EPHA10: variants seen among roughly 807,000 people sequenced by gnomAD.
The protein encoded by EPHA10 is ephrin type-A receptor 10.
EPHA10 carries 120 observed loss-of-function variants against 109.7 expected under a neutral mutation model. The ratio of observed to expected loss-of-function variants is 1.09; its 90% CI spans 0.94 to 1.27. The LOEUF (loss-of-function observed/expected upper bound fraction) is 1.27, where lower values mean the gene tolerates loss of function less well. EPHA10 is among the 50% of genes most tolerant of loss of function. EPHA10 has a pLI of 0.00. For synonymous variants in EPHA10, 640 were observed against 618.9 expected (o/e 1.03, Z -0.51); for missense variants, 1,396 against 1,411.1 (o/e 0.99, Z 0.17).
At chr1:37,732,860 GTTC>G (rs1646007830) in intron 6 of EPHA10, among the ~76,000 whole-genome samples, 16 of 25,790 alleles carry the variant, frequency 6.2e-4, no homozygotes, top group African/African-American at 2.4e-3. Flanking sequence ...TTTTATACTT[GTTC>G]TTTTTTTTTT....
intron 5 of EPHA10, among the ~76,000 whole-genome samples, chr1:37,747,261 A>T (rs1423139123): frequency 6.6e-6 from 1 of 152,206 alleles, no homozygotes; most frequent in African/African-American, 2.4e-5. Flanking sequence ...CTAGAAAAAG[A>T]CTTCAGAGGT....
chr1:37,752,541 G>T (rs1007398998), intron 5 of EPHA10, among the ~76,000 whole-genome samples: 1 of 152,138 alleles, frequency 6.6e-6, no homozygotes, highest in Non-Finnish European at 1.5e-5. Flanking sequence ...CTGCAGAGCC[G>T]TGAGCGGGAC....
At chr1:37,750,663 T>G (rs1646308531) in intron 5 of EPHA10, among the ~76,000 whole-genome samples, 1 of 151,670 alleles carries the variant, frequency 6.6e-6, no homozygotes, top group Admixed American at 6.6e-5. Flanking sequence ...CGCTGCAGCC[T>G]CAAACTCCTG....
chr1:37,762,811 C>A lies in EPHA10; in HGVS notation c.145G>T (p.Gly49Cys), dbSNP rs1569775551. The A allele has an allele frequency of 6.4e-7, 1 of 1,553,924 alleles. No individual in the cohort carries two copies. Among genetic ancestry groups the A allele is most frequent in the African/African-American group, 1.4e-5 (1 of 73,328 alleles). Residue 49 changes from glycine to cysteine, a missense_variant, in exon 2 of 17, where the codon GGC (glycine) becomes TGC (cysteine). By Grantham distance (159) the Gly-to-Cys change is radical. Coordinates refer to ENST00000373048, the MANE Select transcript of EPHA10 (RefSeq NM_001099439.2). ...CCATTACTTGGCAGTGCAGTCCAGC[C>A]CAGCTCGGCCTGGGAGGCTTTGGAA... ...LDSKASQAEL[G>C]WTALPSNGWE...
chr1:37,727,182 G>A lies in EPHA10; in HGVS notation c.1692C>T (p.Pro564=), dbSNP rs544755981. The change falls in exon 8 of 17, where the codon CCC becomes CCT. Residue 564 remains proline (P), a synonymous_variant. Coordinates refer to ENST00000373048, the MANE Select transcript of EPHA10 (RefSeq NM_001099439.2). ...EAASGSRDQS[P]AIVVTVVTIS... is the part of the protein sequence containing the mutation. ...TGGTCACTACGGTGACGACAATGGC[G>A]GGGCTCTGGTCCCTGGACCCTGAGG... 1.9e-5 allele frequency: 31 copies of A among 1,611,428 alleles called. No individual in the cohort carries two copies. Among genetic ancestry groups the A allele is most frequent in the East Asian group, 1.8e-4 (8 of 44,694 alleles).
At position 37,753,146 on chromosome 1, in the gene EPHA10, C is replaced by A. The variant is rs1300296374; in HGVS notation, c.1087G>T (p.Ala363Ser). 4.3e-6 allele frequency: 6 copies of A among 1,406,866 alleles called. No homozygotes were observed. Among genetic ancestry groups the A allele is most frequent in the Non-Finnish European group, 5.6e-6 (6 of 1,080,466 alleles). 87.1% of individuals were successfully genotyped at this position (1,406,866 alleles called of 1,614,324 possible). A position where few individuals can be genotyped will look rare whatever the true frequency, so the allele number is the denominator to read the frequency against. ...ACGTCCGAGCGGCCTCCCGAGTCGGCCGGCGGCAGCCAGCGCAGTCGCAGC... is the reference window on the plus strand; with the variant it reads ...ACGTCCGAGCGGCCTCCCGAGTCGGACGGCGGCAGCCAGCGCAGTCGCAGC... ...LVLRLRWLPP[A>S]DSGGRSDVTY... is the part of the protein sequence containing the mutation. The change falls in exon 5 of 17, where the codon GCC becomes TCC. Residue 363 changes from alanine (A) to serine (S), a missense_variant. Ala to Ser is a moderately conservative substitution (Grantham distance 99). Transcript: ENST00000373048.
At chr1:37,725,506 C>CAAAAAAAAAA (rs536628850) in intron 8 of EPHA10, among the ~76,000 whole-genome samples, 2 of 56,430 alleles carry the variant, frequency 3.5e-5, no homozygotes, top group African/African-American at 7.2e-5. Context: ...GGCTCCATCT[C>CAAAAAAAAAA]AAAAAAAAAA....
chr1:37,735,699 C>T (rs631432), intron 5 of EPHA10, among the ~76,000 whole-genome samples: 81,225 of 151,846 alleles, frequency 0.53, 21,766 homozygotes, highest in South Asian at 0.63. Context: ...TCATGGTGGT[C>T]GGCTCTAATC....
Position 37,754,379 on chromosome 1 carries a change from C to A in EPHA10, c.851-9G>T. 7.7e-7 allele frequency: 1 copy of A among 1,295,912 alleles called. No individual in the cohort carries two copies. Among genetic ancestry groups the A allele is most frequent in the Non-Finnish European group, 9.8e-7 (1 of 1,016,672 alleles). 80.3% of individuals were successfully genotyped at this position (1,295,912 alleles called of 1,614,324 possible). A position where few individuals can be genotyped will look rare whatever the true frequency, so the allele number is the denominator to read the frequency against. On this transcript the variant is annotated splice_polypyrimidine_tract_variant and intron_variant, in intron 3 of 16. Transcript: ENST00000373048. This position sits in a 1 kb window ranked among gnomAD's most constrained non-coding sequence, Gnocchi z 4.5. ...AAACCCTGGGGGACAGGCTGCAGGG[C>A]ATGGCTGGTGAGAAGAGGGGGCTCC...
intron 6 of EPHA10, among the ~76,000 whole-genome samples, 199 bp downstream of exon 6, chr1:37,735,058 G>A (rs1219281944): frequency 6.6e-6 from 1 of 152,178 alleles, no homozygotes; most frequent in Non-Finnish European, 1.5e-5. Flanking sequence ...TGGTGTTGGA[G>A]ATAGACCTGA....
At chr1:37,728,096 G>A (rs1162454818) in intron 7 of EPHA10, among the ~76,000 whole-genome samples, 1 of 152,206 alleles carries the variant, frequency 6.6e-6, no homozygotes, top group African/African-American at 2.4e-5. Context: ...ACAAAAAAAG[G>A]TGCCATCTGA....
chr1:37,732,817 T>G (rs1385198225), intron 6 of EPHA10, among the ~76,000 whole-genome samples: 3 of 141,530 alleles, frequency 2.1e-5, no homozygotes, highest in African/African-American at 7.9e-5. Context: ...GCAGGCTCCA[T>G]GAGAGTACAC....
chr1:37,724,296 G>A (rs1337474494), intron 8 of EPHA10, among the ~76,000 whole-genome samples: 1 of 152,182 alleles, frequency 6.6e-6, no homozygotes, highest in Non-Finnish European at 1.5e-5. Context: ...GAGACAAAAA[G>A]TTCACATTTA....
intron 5 of EPHA10, among the ~76,000 whole-genome samples, chr1:37,749,781 A>G (rs180813036): frequency 1.8e-4 from 27 of 152,342 alleles, no homozygotes; most frequent in Admixed American, 1.6e-3. Flanking sequence ...ATGCGTTGTT[A>G]GGTGATTTCA....
rs145673318 is a variant in EPHA10 at position 37,760,822 on chromosome 1, G to T, written c.850+583C>A. On this transcript the variant is annotated intron_variant, in intron 3 of 16. Transcript: ENST00000373048. ...CTTTAGGCCAGGCACGGTGGCTCAC[G>T]CCTATAATCCCAGCACTCTGGAAGG... 6.8e-3 allele frequency: 1,247 copies of T among 183,710 alleles called. 19 individuals are homozygous for T. The highest frequency in any genetic ancestry group is 0.028 in the African/African-American group (1,180 of 42,612). 11.4% of individuals were successfully genotyped at this position (183,710 alleles called of 1,614,324 possible).
Position 37,754,334 on chromosome 1 carries a change from C to A in EPHA10, c.887G>T (p.Arg296Leu), listed in dbSNP as rs371877850. The change falls in exon 4 of 17, where the codon CGG becomes CTG. Residue 296 changes from arginine to leucine, a missense_variant. By Grantham distance (102) the Arg-to-Leu change is moderately radical (BLOSUM62 -2). Coordinates refer to ENST00000373048, the MANE Select transcript of EPHA10 (RefSeq NM_001099439.2). The surrounding 1 kb of genome is among the most constrained non-coding windows in gnomAD (Gnocchi z 4.5). Reference protein sequence around the residue: ...PPGFYKVSPRRPLCSPCPEHS... With the variant: ...PPGFYKVSPRLPLCSPCPEHS... ...CTCTGGGCACGGTGAGCAGAGGGGC[C>A]GCCGCGGGGACACCTTGTAAAACCC... The A allele has an allele frequency of 7.6e-7, 1 of 1,309,280 alleles. No individual in the cohort carries two copies. Among genetic ancestry groups the A allele is most frequent in the South Asian group, 2.6e-5 (1 of 38,708 alleles). 81.1% of individuals were successfully genotyped at this position (1,309,280 alleles called of 1,614,324 possible).
chr1:37,748,662 G>C (rs76854546), intron 5 of EPHA10, among the ~76,000 whole-genome samples: 1,591 of 151,930 alleles, frequency 0.01, 27 homozygotes, highest in African/African-American at 0.037. Context: ...ATCTAGTAGG[G>C]TATAATCCAG....
chr1:37,747,100 T>C (rs1032729251), intron 5 of EPHA10, among the ~76,000 whole-genome samples: 45 of 152,340 alleles, frequency 3.0e-4, no homozygotes, highest in Non-Finnish European at 5.4e-4. Context: ...GTGAATTTTA[T>C]GTTACATGAA....
chr1:37,717,287 G>A lies in EPHA10; in HGVS notation c.*1085C>T. 4.3e-6 allele frequency: 1 copy of A among 233,020 alleles called. No homozygotes were observed. The highest frequency in any genetic ancestry group is 6.1e-5 in the East Asian group (1 of 16,524). The allele number at this position is 233,020 out of a possible 1,614,324, so 14.4% of individuals were successfully genotyped here. On this transcript the variant is annotated 3_prime_UTR_variant, in exon 17 of 17. Transcript: ENST00000373048. ...CATGGAAGGCTGGGTAGTGCCCAAGGCACGGAGCTGGCTGGAGGGGAGTCG... is the reference window on the plus strand; with the variant it reads ...CATGGAAGGCTGGGTAGTGCCCAAGACACGGAGCTGGCTGGAGGGGAGTCG...
Sources: allele counts gnomAD v4.1 joint callset (sites outside exome capture counted in the v4.1 genomes callset), GRCh38; gene constraint gnomAD v4.1.1; non-coding constraint Gnocchi (gnomAD v3.1); transcripts MANE v1.5; gene names NCBI Gene and HGNC (gene_info 2026-07-23, HGNC 2026-07-21).